The following OLFM2 variants were observed in gnomAD, a reference collection of about 807,000 sequenced individuals.
The protein encoded by OLFM2 is noelin-2.
A neutral mutation model predicts 43.9 loss-of-function variants in OLFM2; 20 were observed. The observed-to-expected ratio is 0.46, with a 90% confidence interval of 0.32 to 0.66. The LOEUF (loss-of-function observed/expected upper bound fraction) is 0.66. Among genes scored for constraint, OLFM2 ranks in the 30% least tolerant of loss-of-function variants. OLFM2 has a pLI of 0.04. For missense variants in OLFM2, 416 were observed against 643.6 expected (o/e 0.65, Z 3.83); for synonymous variants, 268 against 278.6 (o/e 0.96, Z 0.38).
rs1335900579 is a variant in OLFM2 at position 9,936,337 on chromosome 19, C to T, written c.30G>A (p.Leu10=). 1.3e-6 allele frequency: 2 copies of T among 1,509,058 alleles called. No homozygotes were observed. The highest frequency in any genetic ancestry group is 5.3e-5 in the East Asian group (2 of 37,518). 93.5% of individuals were successfully genotyped at this position (1,509,058 alleles called of 1,614,324 possible). MWPLTVPPP[L]LLLLCSGLAG... ...CCAGGCCTGAGCACAGCAGCAGCAG[C>T]AGCGGCGGCGGGACCGTGAGCGGCC... The change falls in exon 1 of 6, where the codon CTG becomes CTA. Residue 10 remains leucine, a synonymous_variant. Transcript: ENST00000264833.
chr19:9,883,659 G>A (rs1371570269), intron 1 of OLFM2, among the ~76,000 whole-genome samples: 9 of 152,084 alleles, frequency 5.9e-5, no homozygotes, highest in Non-Finnish European at 1.0e-4. Flanking sequence ...ACCCGCCAGC[G>A]CCTGTATCCA....
chr19:9,910,409 G>C (rs1036137672), intron 1 of OLFM2, among the ~76,000 whole-genome samples: 9 of 152,070 alleles, frequency 5.9e-5, no homozygotes. Flanking sequence ...TCTTGACATA[G>C]AAGAGGCACT....
chr19:9,913,845 C>T (rs1193675327), intron 1 of OLFM2: 14 of 209,456 alleles, frequency 6.7e-5, no homozygotes, highest in Non-Finnish European at 9.1e-5. Context: ...CGGCTCGGGC[C>T]CCCGCCCCCT....
At position 9,853,947 on chromosome 19, in the gene OLFM2, T is replaced by C. The variant is rs1429990176; in HGVS notation, c.*239A>G. The C allele has an allele frequency of 1.7e-6, 1 of 571,948 alleles. No homozygotes were observed. Among genetic ancestry groups the C allele is most frequent in the African/African-American group, 1.9e-5 (1 of 51,986 alleles). 35.4% of individuals were successfully genotyped at this position (571,948 alleles called of 1,614,324 possible). A position where few individuals can be genotyped will look rare whatever the true frequency, so the allele number is the denominator to read the frequency against. ...CCAGAGCCATAAAAAGAAAAAGACA[T>C]CCATAAAAAGGCAGAAAGAAAGAAG... On this transcript the variant is annotated 3_prime_UTR_variant, in exon 6 of 6. Coordinates refer to ENST00000264833, the MANE Select transcript of OLFM2 (RefSeq NM_058164.4).
At chr19:9,885,549 T>C (rs1276856676) in intron 1 of OLFM2, among the ~76,000 whole-genome samples, 7 of 117,538 alleles carry the variant, frequency 6.0e-5, no homozygotes, top group African/African-American at 2.6e-4. Context: ...AGCTGTGATC[T>C]TCTCTGGACC....
At chr19:9,923,824 G>A (rs1056714016) in intron 1 of OLFM2, among the ~76,000 whole-genome samples, 6 of 151,898 alleles carry the variant, frequency 4.0e-5, no homozygotes, top group African/African-American at 1.5e-4. Context: ...GTAGAGCTGG[G>A]CGTGGTGCCT....
intron 1 of OLFM2, among the ~76,000 whole-genome samples, chr19:9,876,380 C>A (rs1005913996): frequency 4.6e-5 from 7 of 152,152 alleles, no homozygotes; most frequent in Non-Finnish European, 1.0e-4. Flanking sequence ...TGCGAGTCCC[C>A]CAGGCAGCGG....
Position 9,856,224 on chromosome 19 carries a change from G to A in OLFM2, c.687+583C>T, listed in dbSNP as rs1013635433. On this transcript the variant is annotated intron_variant, in intron 5 of 5. Coordinates refer to ENST00000264833, the MANE Select transcript of OLFM2 (RefSeq NM_058164.4). This position sits in a 1 kb window ranked among gnomAD's most constrained non-coding sequence, Gnocchi z 4.0. ...AGTGATTCTCCTGCCTCAGCCTCCC[G>A]AGTAGCTGGGATTACAGGCATGCAC... is the stretch of plus-strand genomic sequence containing the variant. Among the ~76,000 whole-genome samples, 1 of 152,098 alleles carries A rather than the reference G, an allele frequency of 6.6e-6. No homozygotes were observed. Among genetic ancestry groups the A allele is most frequent in the South Asian group, 2.1e-4 (1 of 4,820 alleles).
chr19:9,903,904 T>A (rs771815503), intron 1 of OLFM2, among the ~76,000 whole-genome samples: 15 of 152,174 alleles, frequency 9.9e-5, no homozygotes, highest in Non-Finnish European at 2.1e-4. Context: ...ATCTACTTGT[T>A]ATTCTACTGA....
chr19:9,901,725 G>A (rs1475589608), intron 1 of OLFM2, among the ~76,000 whole-genome samples: 1 of 152,176 alleles, frequency 6.6e-6, no homozygotes, highest in Non-Finnish European at 1.5e-5. Flanking sequence ...AGTGCACAGG[G>A]ATTCTGCAAC....
chr19:9,896,916 G>A (rs2046690054), intron 1 of OLFM2, among the ~76,000 whole-genome samples: 2 of 152,146 alleles, frequency 1.3e-5, no homozygotes, highest in African/African-American at 4.8e-5. Flanking sequence ...CTTGTTGAGG[G>A]TGCAGTGGCT....
chr19:9,880,407 A>G (rs1048050353), intron 1 of OLFM2, among the ~76,000 whole-genome samples: 2 of 152,234 alleles, frequency 1.3e-5, no homozygotes, highest in East Asian at 3.9e-4. Flanking sequence ...AGGAAGACGC[A>G]TGGCAAACAG....
At chr19:9,913,595 A>T in intron 1 of OLFM2, 1 of 1,302,738 alleles carries the variant, frequency 7.7e-7, no homozygotes, top group Non-Finnish European at 9.9e-7. Context: ...CACGGCCCCG[A>T]TCTTGAGCAG....
At chr19:9,930,826 G>A (rs1302064813) in intron 1 of OLFM2, among the ~76,000 whole-genome samples, 1 of 152,034 alleles carries the variant, frequency 6.6e-6, no homozygotes, top group Non-Finnish European at 1.5e-5. Context: ...GCACTCCAGT[G>A]TGGACGACAC....
intron 5 of OLFM2, 138 bp from the exon 6 acceptor site, chr19:9,855,001 A>G (rs559691012): frequency 5.2e-5 from 34 of 656,816 alleles, no homozygotes; most frequent in Admixed American, 8.9e-5. Context: ...TTCATTACCA[A>G]TTATGGCCCT....
chr19:9,857,275 C>A lies in OLFM2; in HGVS notation c.568G>T (p.Ala190Ser), dbSNP rs535936235. ...MALEARLHACAQKLGCGKLTG... is the reference protein window; with the variant it reads ...MALEARLHACSQKLGCGKLTG... The stretch of plus-strand genomic sequence containing the variant: ...GGCCAAGGCATACCCAGCTTCTGGG[C>A]GCAGGCGTGGAGCCGGGCCTCCAGG... The change falls in exon 4 of 6, where the codon GCC (alanine) becomes TCC (serine). Residue 190 changes from alanine (A) to serine (S), a missense_variant. Transcript: ENST00000264833. The surrounding 1 kb of genome is among the most constrained non-coding windows in gnomAD (Gnocchi z 5.7). 3 of 1,613,768 alleles carry A rather than the reference C, an allele frequency of 1.9e-6. No individual in the cohort carries two copies. In the African/African-American group the frequency reaches 4.0e-5, roughly 22 times the overall value.
chr19:9,919,733 C>T lies in OLFM2; in HGVS notation c.63+16571G>A, dbSNP rs190566462. Among the ~76,000 whole-genome samples, 924 of 151,444 alleles carry T rather than the reference C, an allele frequency of 6.1e-3. 14 individuals carry two copies. The highest frequency in any genetic ancestry group is 0.022 in the African/African-American group (888 of 41,228). On this transcript the variant is annotated intron_variant, in intron 1 of 5. Transcript: ENST00000264833. ...CTGACCTCAGGTGATCCTCCTGCCT[C>T]GGCCTCCCAAAGTGCTGGGATTACA... is the stretch of plus-strand genomic sequence containing the variant.
At chr19:9,924,363 A>G (rs144249662) in intron 1 of OLFM2, among the ~76,000 whole-genome samples, 21,073 of 134,060 alleles carry the variant, frequency 0.16, 4,812 homozygotes, top group African/African-American at 0.51. Flanking sequence ...CCAAGATCAC[A>G]CCACTGCACT....
rs1599463632 is a variant in OLFM2, at chr19:9,857,636, A to G, written c.360+79T>C. ...ATTGGACCCTAGATTCTTCCCAGAC[A>G]TGACTCCATTGTAGGAACTAATGGA... On this transcript the variant is annotated intron_variant, in intron 3 of 5. Transcript: ENST00000264833. The surrounding 1 kb of genome is among the most constrained non-coding windows in gnomAD (Gnocchi z 5.7). 3 of 1,600,508 alleles carry G rather than the reference A, an allele frequency of 1.9e-6. No individual in the cohort carries two copies. The highest frequency in any genetic ancestry group is 2.6e-6 in the Non-Finnish European group (3 of 1,168,422).
Sources: allele counts gnomAD v4.1 joint callset (sites outside exome capture counted in the v4.1 genomes callset), GRCh38; gene constraint gnomAD v4.1.1; non-coding constraint Gnocchi (gnomAD v3.1); transcripts MANE v1.5; gene names NCBI Gene and HGNC (gene_info 2026-07-23, HGNC 2026-07-21).